Variants in SPDYE3 observed in about 807,000 individuals in gnomAD.
The protein encoded by SPDYE3 is speedy/RINGO cell cycle regulator family member E3, also known as speedy protein E3.
Under a neutral mutation model 55.0 loss-of-function variants are expected in SPDYE3, and 15 were observed. The ratio of observed to expected loss-of-function variants is 0.27; its 90% CI spans 0.18 to 0.42. The LOEUF (loss-of-function observed/expected upper bound fraction) is 0.42, where lower values mean the gene tolerates loss of function less well. SPDYE3 is among the 10% of genes least tolerant of loss of function. The pLI, the probability that SPDYE3 is intolerant of heterozygous loss-of-function variation, is 1.00. For missense variants in SPDYE3, 236 were observed against 576.7 expected, an observed-to-expected ratio of 0.41 and a Z score of 6.05; for synonymous variants, 89 against 229.9, an observed-to-expected ratio of 0.39 and a Z score of 5.55.
chr7:100,320,720 T>C, intron 10 of SPDYE3, 171 bp from the exon 11 acceptor site: 1 of 1,088,560 alleles, frequency 9.2e-7, no homozygotes, highest in Non-Finnish European at 1.2e-6. Context: ...AAGCGTGAGT[T>C]TCACAGTTGA....
chr7:100,320,645 C>G (rs1259709172), intron 10 of SPDYE3: 2 of 1,055,348 alleles, frequency 1.9e-6, no homozygotes, highest in African/African-American at 3.4e-5. Flanking sequence ...ACCCAAAGTC[C>G]TCGCTATGAA....
At chr7:100,318,144 C>G (rs1187218567) in intron 8 of SPDYE3, among the ~76,000 whole-genome samples, 2 of 152,144 alleles carry the variant, frequency 1.3e-5, no homozygotes, top group African/African-American at 4.8e-5. Context: ...CCACCAACCT[C>G]CTCTGGGTTC....
intron 1 of SPDYE3, among the ~76,000 whole-genome samples, chr7:100,308,483 C>T (rs1455411123): frequency 3.1e-4 from 47 of 151,166 alleles, no homozygotes; most frequent in Middle Eastern, 3.4e-3. Flanking sequence ...CCAAGGCAGG[C>T]GGATCACGTG....
At chr7:100,320,327 C>A (rs1210162645) in intron 10 of SPDYE3, 14 of 1,089,414 alleles carry the variant, frequency 1.3e-5, no homozygotes, top group Middle Eastern at 3.6e-4. Context: ...CAAAAATAAT[C>A]ATAAATACTG....
chr7:100,310,019 C>T (rs1805922029), intron 2 of SPDYE3, among the ~76,000 whole-genome samples: 1 of 137,818 alleles, frequency 7.3e-6, no homozygotes, highest in African/African-American at 2.6e-5. Flanking sequence ...TAACTGGAAT[C>T]CGGGAGATAG....
At chr7:100,312,539 A>C (rs1225878822) in intron 4 of SPDYE3, among the ~76,000 whole-genome samples, 4 of 136,560 alleles carry the variant, frequency 2.9e-5, no homozygotes, top group African/African-American at 1.1e-4. Context: ...AAGAAGGGTC[A>C]GAGGTCAGGA....
chr7:100,317,163 GT>G lies in SPDYE3; in HGVS notation c.1346+11del. On this transcript the variant is annotated intron_variant, in intron 8 of 10. Coordinates refer to ENST00000332397, the MANE Select transcript of SPDYE3 (RefSeq NM_001004351.5). ...TCATTTCTTCCTGGCTCTGTGAGTG[GT>G]TTGCTGCCTCCTATCCATCAATATC... The G allele has an allele frequency of 6.2e-7, 1 of 1,611,750 alleles. No homozygotes were observed.
chr7:100,316,098 G>C (rs1310527951), intron 7 of SPDYE3, among the ~76,000 whole-genome samples: 1 of 152,076 alleles, frequency 6.6e-6, no homozygotes, highest in Non-Finnish European at 1.5e-5. Context: ...CAGCCTCCAA[G>C]CAGCTGGGAT....
intron 4 of SPDYE3, among the ~76,000 whole-genome samples, chr7:100,312,333 G>C (rs867155727): frequency 6.7e-6 from 1 of 148,884 alleles, no homozygotes; most frequent in African/African-American, 2.5e-5. Flanking sequence ...AAAACTCTGC[G>C]TCAAAAGAAA....
Position 100,319,828 on chromosome 7 carries a change from G to A in SPDYE3, c.1590+20G>A. The A allele has an allele frequency of 1.2e-6, 2 of 1,614,070 alleles. No individual in the cohort carries two copies. Among genetic ancestry groups the A allele is most frequent in the Non-Finnish European group, 8.5e-7 (1 of 1,179,984 alleles). ...GAGGAGGTGGGTGGGGCCTGGGGAG[G>A]TGGAGGATGTGGGGAGGAATCGGGT... On this transcript the variant is annotated intron_variant, in intron 9 of 10. Transcript: ENST00000332397.
chr7:100,318,569 C>G (rs1789497533), intron 8 of SPDYE3, among the ~76,000 whole-genome samples: 1 of 152,154 alleles, frequency 6.6e-6, no homozygotes, highest in Non-Finnish European at 1.5e-5. Flanking sequence ...GATGCCTTCC[C>G]TCATCTTCCA....
At chr7:100,318,233 G>A (rs1806157427) in intron 8 of SPDYE3, among the ~76,000 whole-genome samples, 2 of 152,064 alleles carry the variant, frequency 1.3e-5, no homozygotes, top group South Asian at 4.2e-4. Context: ...GGGTCTCCTG[G>A]AGTCTCTCCC....
At chr7:100,317,703 C>T (rs1806138337) in intron 8 of SPDYE3, among the ~76,000 whole-genome samples, 1 of 150,688 alleles carries the variant, frequency 6.6e-6, no homozygotes, top group South Asian at 2.1e-4. Flanking sequence ...CGGTGGCTCA[C>T]GCCTGTAATC....
At chr7:100,314,273 C>CAA (rs71525858) in intron 5 of SPDYE3, among the ~76,000 whole-genome samples, 3 of 127,846 alleles carry the variant, frequency 2.3e-5, no homozygotes, top group African/African-American at 8.7e-5. Flanking sequence ...TGTCTCGAAA[C>CAA]AAAAAAAAAA....
intron 7 of SPDYE3, among the ~76,000 whole-genome samples, chr7:100,316,231 A>G (rs1258002679): frequency 2.0e-5 from 3 of 152,186 alleles, no homozygotes; most frequent in African/African-American, 7.2e-5. Flanking sequence ...TTGGCCTCCC[A>G]AAGTGCTGAG....
rs191475795 is a variant in SPDYE3 at position 100,320,425 on chromosome 7, G to C, written c.*45+390G>C. On this transcript the variant is annotated intron_variant, in intron 10 of 10. Transcript: ENST00000332397. ...GAAGCTTTGGTTTACATCTTGTGCA[G>C]CTAACCATGTTGAGCACAGAGCATG... 40 of 1,061,134 alleles carry C rather than the reference G, an allele frequency of 3.8e-5. No homozygotes were observed. In the African/African-American group the frequency reaches 5.2e-4, roughly 14 times the overall value. 65.7% of individuals were successfully genotyped at this position (1,061,134 alleles called of 1,614,324 possible).
intron 2 of SPDYE3, among the ~76,000 whole-genome samples, chr7:100,310,114 A>G (rs1805924051): frequency 1.4e-5 from 2 of 140,112 alleles, no homozygotes; most frequent in Admixed American, 7.1e-5. Context: ...AAAAAAAAAG[A>G]GGGCCTCAGA....
intron 7 of SPDYE3, among the ~76,000 whole-genome samples, 191 bp from the exon 8 acceptor site, chr7:100,316,879 G>A (rs567547011): frequency 2.0e-5 from 3 of 152,158 alleles, no homozygotes; most frequent in African/African-American, 4.8e-5. Flanking sequence ...CCCTTCCTCC[G>A]GCTTCTCGGA....
intron 2 of SPDYE3, among the ~76,000 whole-genome samples, chr7:100,309,535 G>C (rs1274057988): frequency 7.1e-6 from 1 of 140,528 alleles, no homozygotes; most frequent in Non-Finnish European, 1.6e-5. Flanking sequence ...ACTCCAGCCT[G>C]AGTGACAGAG....
Sources: gnomAD v4.1 joint callset for allele counts (sites outside exome capture counted in the v4.1 genomes callset) on GRCh38, gnomAD v4.1.1 for gene constraint, MANE v1.5 for transcripts, NCBI Gene and HGNC (gene_info 2026-07-23, HGNC 2026-07-21) for gene names.